The following ATP2A3 variants were observed in gnomAD, a reference collection of about 807,000 sequenced individuals.
ATP2A3 encodes ATPase sarcoplasmic/endoplasmic reticulum Ca2+ transporting 3, also known as sarcoplasmic/endoplasmic reticulum calcium ATPase 3.
In ATP2A3, 61 loss-of-function variants were observed where a neutral mutation model predicts 106.8. The ratio of observed to expected loss-of-function variants is 0.57; its 90% CI spans 0.46 to 0.71. The LOEUF is 0.71. Ranked by LOEUF, ATP2A3 falls within the 30% of genes least tolerant of loss-of-function variation. The probability of loss-of-function intolerance (pLI) is 0.00; values close to 1 mark genes in which losing one functional copy is unlikely to be tolerated. For missense variants in ATP2A3, 1,201 were observed against 1,423.5 expected (o/e 0.84, Z 2.52); for synonymous variants, 611 against 609.3 (o/e 1.00, Z -0.04).
rs755117372 is a variant in ATP2A3 at position 3,928,727 on chromosome 17, C to T, written c.2916G>A (p.Gln972=). The T allele has an allele frequency of 1.9e-6, 3 of 1,551,610 alleles. No homozygotes were observed. The highest frequency in any genetic ancestry group is 1.2e-5 in the South Asian group (1 of 84,094). ...LSGRQWVVVL[Q]ISLPVILLDE... ...CCAGCAGGATGACAGGCAGAGATAT[C>T]TGGAGCACCACCACCCACTGGCGCC... Residue 972 remains glutamine, a synonymous_variant, in exon 20 of 21, where the codon CAG becomes CAA. Coordinates refer to ENST00000397041, the MANE Select transcript of ATP2A3 (RefSeq NM_005173.4). This position sits in a 1 kb window ranked among gnomAD's most constrained non-coding sequence, Gnocchi z 6.1.
intron 5 of ATP2A3, 121 bp downstream of exon 5, chr17:3,951,130 G>T: frequency 9.9e-7 from 1 of 1,014,358 alleles, no homozygotes; most frequent in Non-Finnish European, 1.3e-6. Context: ...CCGAGATTGC[G>T]CCACTGCACT....
intron 7 of ATP2A3, 25 bp downstream of exon 7, chr17:3,950,486 C>A: frequency 6.2e-7 from 1 of 1,604,378 alleles, no homozygotes; most frequent in South Asian, 1.1e-5. Flanking sequence ...ATTGTCTGGG[C>A]AAAGGCCCCA....
intron 15 of ATP2A3, chr17:3,937,125 CATCTTGCTA>C: frequency 2.0e-6 from 1 of 494,282 alleles, no homozygotes; most frequent in Non-Finnish European, 3.7e-6. Context: ...GCTTTTCTCT[CATCTTGCTA>C]ATCTGCAAGT....
At chr17:3,944,881 T>A in intron 9 of ATP2A3, 75 bp from the exon 10 acceptor site, 1 of 866,930 alleles carries the variant, frequency 1.2e-6, no homozygotes, top group Non-Finnish European at 1.7e-6. Flanking sequence ...GCCCCGCCCC[T>A]AGGAGGGGGC....
chr17:3,945,195 C>G, intron 8 of ATP2A3, 47 bp from the exon 9 acceptor site: 1 of 1,521,712 alleles, frequency 6.6e-7, no homozygotes, highest in Non-Finnish European at 8.9e-7. Flanking sequence ...CGCCTCCCTC[C>G]TCCCCGGGCG....
intron 1 of ATP2A3, among the ~76,000 whole-genome samples, chr17:3,959,307 C>T (rs899445570): frequency 1.3e-5 from 2 of 152,236 alleles, no homozygotes; most frequent in African/African-American, 4.8e-5. Context: ...CCCTCCCCTA[C>T]CTCATCGCTG....
intron 4 of ATP2A3, 45 bp from the exon 5 acceptor site, chr17:3,951,434 C>A: frequency 6.2e-7 from 1 of 1,612,742 alleles, no homozygotes; most frequent in Non-Finnish European, 8.5e-7. Context: ...TGCTGCCCCC[C>A]GCAGACCACC....
chr17:3,941,579 A>T lies in ATP2A3; in HGVS notation c.1621T>A (p.Ser541Thr), dbSNP rs2053778987. 1.2e-6 allele frequency: 2 copies of T among 1,613,196 alleles called. No individual in the cohort carries two copies. Among genetic ancestry groups the T allele is most frequent in the African/African-American group, 1.3e-5 (1 of 74,910 alleles). Residue 541 changes from serine to threonine, a missense_variant, in exon 13 of 21, where the codon TCC becomes ACC. Physicochemically the swap from Ser to Thr is moderately conservative, Grantham distance 58 (BLOSUM62 1). This residue lies in a region of ATP2A3 where 935 missense variants were observed against 1,176.7 expected (regional missense o/e 0.79). Transcript: ENST00000397041. ...ATCTTTGCCAGGATCTGCTCCCTGG[A>T]GGTGGGGGTCAGGGGTGCTGTGCGG... ...GSRTAPLTPT[S>T]REQILAKIRD...
intron 14 of ATP2A3, 82 bp downstream of exon 14, chr17:3,940,887 AGG>A: frequency 7.0e-7 from 1 of 1,435,986 alleles, no homozygotes; most frequent in South Asian, 1.1e-5. Flanking sequence ...AATGAGGCAG[AGG>A]GGAGAGTTGC....
intron 8 of ATP2A3, among the ~76,000 whole-genome samples, chr17:3,946,273 C>T (rs1002342941): frequency 6.1e-5 from 9 of 146,538 alleles, no homozygotes; most frequent in African/African-American, 2.3e-4. Flanking sequence ...TTATTAGGGC[C>T]GGGCACGGTG....
chr17:3,964,212 G>T lies in ATP2A3; in HGVS notation c.80C>A (p.Ala27Glu), dbSNP rs1301399394. The T allele has an allele frequency of 3.7e-5, 47 of 1,266,226 alleles. No homozygotes were observed. Among genetic ancestry groups the T allele is most frequent in the Middle Eastern group, 3.1e-4 (1 of 3,208 alleles). 78.4% of individuals were successfully genotyped at this position (1,266,226 alleles called of 1,614,324 possible). The stretch of plus-strand genomic sequence containing the variant: ...GCGCTCCCGCGCGCCGGTCACCTGC[G>T]CCGGGCTCAGGCCGCCCTCGGCTGT... ...SVTAEGGLSP[A>E]QVTGARERYG... The change falls in exon 1 of 21, where the codon GCG becomes GAG. Residue 27 changes from alanine (A) to glutamate (E), a missense_variant. By Grantham distance (107) the Ala-to-Glu change is moderately radical. Coordinates refer to ENST00000397041, the MANE Select transcript of ATP2A3 (RefSeq NM_005173.4).
rs755023210 is a variant in ATP2A3, at chr17:3,951,278, C to T, written c.436G>A (p.Val146Ile). Residue 146 changes from valine to isoleucine, a missense_variant, in exon 5 of 21, where the codon GTC becomes ATC. Val to Ile is a conservative substitution (Grantham distance 29, BLOSUM62 3). Around this residue, in one of 2 missense-constraint regions of ATP2A3, gnomAD observed 266 missense variants for 246.8 expected, o/e 1.08. Transcript: ENST00000397041. ...GVQRIRARDI[V>I]PGDIVEVAVG... ...GCCACTTCTACAATGTCCCCTGGGA[C>T]GATGTCCCGGGCACGGATCCTCTGC... is the stretch of plus-strand genomic sequence containing the variant. 59 of 1,613,624 alleles carry T rather than the reference C, an allele frequency of 3.7e-5. No homozygotes were observed. In the East Asian group the frequency reaches 7.8e-4, roughly 21 times the overall value.
At chr17:3,950,053 T>C (rs2054325203) in intron 7 of ATP2A3, among the ~76,000 whole-genome samples, 1 of 151,626 alleles carries the variant, frequency 6.6e-6, no homozygotes, top group Admixed American at 6.6e-5. Flanking sequence ...TCCCAGCTAC[T>C]TGGGAAGCTG....
chr17:3,954,983 A>G (rs935577415), intron 1 of ATP2A3, among the ~76,000 whole-genome samples: 1 of 152,182 alleles, frequency 6.6e-6, no homozygotes. Flanking sequence ...GCAAGGCCAC[A>G]CAGTGAGTGA....
chr17:3,961,874 G>T (rs1265292633), intron 1 of ATP2A3, among the ~76,000 whole-genome samples: 2 of 152,182 alleles, frequency 1.3e-5, no homozygotes, highest in Non-Finnish European at 2.9e-5. Flanking sequence ...CAAAGAGGCT[G>T]GTCCAGCATT....
At chr17:3,944,572 G>A in intron 10 of ATP2A3, 132 bp downstream of exon 10, 7 of 877,886 alleles carry the variant, frequency 8.0e-6, no homozygotes, top group South Asian at 7.1e-5. Context: ...GGTGTGCAGG[G>A]GTAACCGTGC....
At position 3,944,890 on chromosome 17, in the gene ATP2A3, G is replaced by A. The variant is rs1198918484; in HGVS notation, c.1185-84C>T. ...CTCTTGGCCCCGCCCCTAGGAGGGG[G>A]CTCCGCCTCTTGGCCCCGCCCCCAG... On this transcript the variant is annotated intron_variant, in intron 9 of 20. Coordinates refer to ENST00000397041, the MANE Select transcript of ATP2A3 (RefSeq NM_005173.4). The A allele has an allele frequency of 1.3e-5, 11 of 858,472 alleles. No homozygotes were observed. In the East Asian group the frequency reaches 2.4e-4, roughly 19 times the overall value. 53.2% of individuals were successfully genotyped at this position (858,472 alleles called of 1,614,324 possible).
At chr17:3,939,959 G>A (rs183996015) in intron 14 of ATP2A3, among the ~76,000 whole-genome samples, 13 of 148,658 alleles carry the variant, frequency 8.7e-5, no homozygotes, top group Admixed American at 3.4e-4. Context: ...GTGATCGCCT[G>A]TTTTGCGACG....
At chr17:3,950,235 C>T (rs527461097) in intron 7 of ATP2A3, among the ~76,000 whole-genome samples, 1 of 150,886 alleles carries the variant, frequency 6.6e-6, no homozygotes, top group East Asian at 2.0e-4. Context: ...AATCTTGGCT[C>T]ACTGCAACCT....
Sources: gnomAD v4.1 joint callset for allele counts (sites outside exome capture counted in the v4.1 genomes callset) on GRCh38, gnomAD v4.1.1 for gene constraint, gnomAD v4.1.1 regional missense constraint, Gnocchi (gnomAD v3.1) non-coding constraint, MANE v1.5 for transcripts, NCBI Gene and HGNC (gene_info 2026-07-23, HGNC 2026-07-21) for gene names.